The following RFC4 variants were observed in gnomAD, a reference collection of about 807,000 sequenced individuals.
RFC4 encodes the protein replication factor C subunit 4.
Under a neutral mutation model 47.6 loss-of-function variants are expected in RFC4, and 38 were observed. That is an observed-to-expected ratio of 0.80 (90% confidence interval 0.62 to 1.05). The LOEUF (loss-of-function observed/expected upper bound fraction) is 1.05. Ranked by LOEUF, RFC4 falls within the 50% of genes least tolerant of loss-of-function variation. The pLI is 0.00. For synonymous variants in RFC4, 164 were observed against 150.0 expected, an observed-to-expected ratio of 1.09 and a Z score of -0.68; for missense variants, 489 against 434.0, an observed-to-expected ratio of 1.13 and a Z score of -1.13.
At position 186,791,607 on chromosome 3, in the gene RFC4, A is replaced by G. The variant is rs771299062; in HGVS notation, c.801+118T>C. 4.6e-6 allele frequency: 4 copies of G among 877,226 alleles called. No individual in the cohort carries two copies. The Admixed American group carries it at 6.8e-5, about 15-fold the overall frequency. The allele number at this position is 877,226 out of a possible 1,614,324, so 54.3% of individuals were successfully genotyped here. ...TCTGATACTCCCAGGTTATTCCCTT[A>G]TACTTCCTAGTGCAGTACTTGGCAC... On this transcript the variant is annotated intron_variant, in intron 8 of 10. Transcript: ENST00000296273.
chr3:186,790,107 A>G (rs371779104), intron 10 of RFC4, 35 bp downstream of exon 10: 23 of 1,604,142 alleles, frequency 1.4e-5, no homozygotes, highest in Non-Finnish European at 2.0e-5. Flanking sequence ...CAGGTAGTTA[A>G]ATGTTCCATT....
Position 186,801,072 on chromosome 3 carries a change from A to C in RFC4, c.210+45T>G, listed in dbSNP as rs771277725. On this transcript the variant is annotated intron_variant, in intron 3 of 10. Transcript: ENST00000296273. The stretch of plus-strand genomic sequence containing the variant: ...AAGGAAGAAAGAGGGTGAATAAATT[A>C]AGTCTTAAATATCCCAATGACATTA... 7.3e-6 allele frequency: 10 copies of C among 1,361,458 alleles called. No homozygotes were observed. In the East Asian group the frequency reaches 2.3e-4, roughly 31 times the overall value. The allele number at this position is 1,361,458 out of a possible 1,614,324, so 84.3% of individuals were successfully genotyped here. A position where few individuals can be genotyped will look rare whatever the true frequency, so the allele number is the denominator to read the frequency against.
At chr3:186,797,387 C>A in intron 4 of RFC4, 148 bp downstream of exon 4, 1 of 562,770 alleles carries the variant, frequency 1.8e-6, no homozygotes, top group Non-Finnish European at 3.1e-6. Flanking sequence ...GAGGGAGGAA[C>A]AAAATGGCTC....
chr3:186,800,469 C>G (rs1722328741), intron 3 of RFC4, among the ~76,000 whole-genome samples: 1 of 152,136 alleles, frequency 6.6e-6, no homozygotes, highest in South Asian at 2.1e-4. Flanking sequence ...AAGCAAAAAC[C>G]ACATCCCACT....
chr3:186,804,748 A>C, intron 1 of RFC4, 24 bp from the exon 2 acceptor site: 2 of 1,580,200 alleles, frequency 1.3e-6, no homozygotes, highest in South Asian at 2.3e-5. Flanking sequence ...AGACAGAAAA[A>C]AAAAGCTTTT....
chr3:186,790,281 G>T, intron 9 of RFC4, 26 bp from the exon 10 acceptor site: 2 of 1,610,100 alleles, frequency 1.2e-6, no homozygotes, highest in Non-Finnish European at 1.7e-6. Context: ...CTTTTGGTAT[G>T]ATGACTTAAT....
Position 186,792,574 on chromosome 3 carries a change from G to T in RFC4, c.591C>A (p.Phe197Leu). ...IEPLTSRCSK[F>L]RFKPLSDKIQ... Reference sequence around the variant, plus strand: ...TTTTATCTGACAGAGGCTTGAAGCGGAATTTTGAACATCTAGAGGTCAGGG... The same window carrying T: ...TTTTATCTGACAGAGGCTTGAAGCGTAATTTTGAACATCTAGAGGTCAGGG... The change falls in exon 7 of 11, where the codon TTC becomes TTA. Residue 197 changes from phenylalanine to leucine, a missense_variant. Phe to Leu is a conservative substitution (Grantham distance 22). Around this residue, in one of 2 missense-constraint regions of RFC4, gnomAD observed 206 missense variants for 257.8 expected, o/e 0.80. Transcript: ENST00000296273. 1 of 1,613,996 alleles carries T rather than the reference G, an allele frequency of 6.2e-7. No homozygotes were observed. The highest frequency in any genetic ancestry group is 1.1e-5 in the South Asian group (1 of 91,072).
At position 186,791,532 on chromosome 3, in the gene RFC4, T is replaced by TA. The variant is rs1236541436; in HGVS notation, c.801+192dup. The stretch of plus-strand genomic sequence containing the variant: ...TCCTTTTCTTTCCTGAAATGTCTGT[T>TA]ACATGCCTGACAAACTGAAAAGTCA... On this transcript the variant is annotated intron_variant, in intron 8 of 10. Coordinates refer to ENST00000296273, the MANE Select transcript of RFC4 (RefSeq NM_002916.5). 4 of 617,136 alleles carry TA rather than the reference T, an allele frequency of 6.5e-6. No individual in the cohort carries two copies. The Admixed American group carries it at 1.1e-4, about 16-fold the overall frequency. The allele number at this position is 617,136 out of a possible 1,614,324, so 38.2% of individuals were successfully genotyped here.
At chr3:186,795,439 GTTAGACAT>G (rs1722224054) in intron 4 of RFC4, among the ~76,000 whole-genome samples, 1 of 151,986 alleles carries the variant, frequency 6.6e-6, no homozygotes, top group Non-Finnish European at 1.5e-5. Flanking sequence ...TTCTTCTATT[GTTAGACAT>G]CTAGATAGTT....
intron 2 of RFC4, 90 bp downstream of exon 2, chr3:186,804,492 TC>T (rs1450931524): frequency 2.3e-6 from 3 of 1,277,230 alleles, no homozygotes; most frequent in Non-Finnish European, 3.3e-6. Context: ...AACAAAGCAT[TC>T]CTCCATAAGT....
At position 186,802,010 on chromosome 3, in the gene RFC4, C is replaced by A. The variant is rs146399493; in HGVS notation, c.132-815G>T. Among the ~76,000 whole-genome samples, 870 of 109,502 alleles carry A rather than the reference C, an allele frequency of 7.9e-3. 10 individuals carry two copies. The highest frequency in any genetic ancestry group is 0.029 in the African/African-American group (825 of 28,272). The allele number at this position is 109,502 out of a possible 152,430, so 71.8% of individuals were successfully genotyped here. ...TGCACTCCAACCTGGGTCACAAGAGCGAAACTTTATCTCAAAAAAAAAAAA... is the reference window on the plus strand; with the variant it reads ...TGCACTCCAACCTGGGTCACAAGAGAGAAACTTTATCTCAAAAAAAAAAAA... On this transcript the variant is annotated intron_variant, in intron 2 of 10. Transcript: ENST00000296273.
chr3:186,803,135 G>A (rs1316453235), intron 2 of RFC4, among the ~76,000 whole-genome samples: 1 of 152,190 alleles, frequency 6.6e-6, no homozygotes, highest in African/African-American at 2.4e-5. Flanking sequence ...CTGAGATCAG[G>A]AGTTGAAGAC....
Position 186,791,829 on chromosome 3 carries a change from C to T in RFC4, c.697G>A (p.Val233Met), listed in dbSNP as rs1722147510. 1 of 1,612,484 alleles carries T rather than the reference C, an allele frequency of 6.2e-7. No homozygotes were observed. Among genetic ancestry groups the T allele is most frequent in the Non-Finnish European group, 8.5e-7 (1 of 1,178,714 alleles). ...SDEGIAYLVK[V>M]SEGDLRKAIT... ...GCTTTTCTTAAGTCTCCTTCTGACA[C>T]TTTAACAAGATAAGCTATTCCCTGA... Residue 233 changes from valine to methionine, a missense_variant, in exon 8 of 11, where the codon GTG (valine) becomes ATG (methionine). Val to Met is a conservative substitution (Grantham distance 21). Around this residue, in one of 2 missense-constraint regions of RFC4, gnomAD observed 283 missense variants for 176.2 expected, o/e 1.61. Transcript: ENST00000296273.
intron 2 of RFC4, among the ~76,000 whole-genome samples, chr3:186,803,452 C>A (rs1722403110): frequency 6.6e-6 from 1 of 152,170 alleles, no homozygotes; most frequent in Non-Finnish European, 1.5e-5. Flanking sequence ...ACCGAGGCTA[C>A]ATTCAACCAA....
intron 4 of RFC4, among the ~76,000 whole-genome samples, chr3:186,795,990 TCA>T (rs1416963523): frequency 6.6e-6 from 1 of 151,658 alleles, no homozygotes; most frequent in African/African-American, 2.4e-5. Context: ...GGGCACACTG[TCA>T]AAGCACTGTT....
intron 2 of RFC4, among the ~76,000 whole-genome samples, chr3:186,803,727 G>T (rs1242518563): frequency 1.3e-5 from 2 of 150,742 alleles, no homozygotes; most frequent in South Asian, 2.1e-4. Flanking sequence ...GGCCAGGCTG[G>T]TCTGGAACTC....
intron 4 of RFC4, among the ~76,000 whole-genome samples, chr3:186,795,779 C>T (rs929916192): frequency 2.6e-5 from 4 of 151,964 alleles, no homozygotes; most frequent in South Asian, 2.1e-4. Flanking sequence ...GGCAATAGAG[C>T]GAGACACTGT....
At chr3:186,805,469 G>C (rs531183514) in intron 1 of RFC4, 1 of 152,294 alleles carries the variant, frequency 6.6e-6, no homozygotes, top group South Asian at 2.1e-4. Context: ...TAATCCTCCT[G>C]CCCCGGCCTC....
rs528859594 is a variant in RFC4 at position 186,805,393 on chromosome 3, T to A, written c.-11-669A>T. On this transcript the variant is annotated intron_variant, in intron 1 of 10. Coordinates refer to ENST00000296273, the MANE Select transcript of RFC4 (RefSeq NM_002916.5). ...GTGCCACCACCCCCGGCTAATTTTT[T>A]AAATTTTTGGTAGAGACAGGGTTTC... Among the ~76,000 whole-genome samples the A allele has an allele frequency of 2.6e-5, 4 of 152,194 alleles. No homozygotes were observed. In the East Asian group the frequency reaches 5.8e-4, roughly 22 times the overall value.
Sources: gnomAD v4.1 joint callset for allele counts (sites outside exome capture counted in the v4.1 genomes callset) on GRCh38, gnomAD v4.1.1 for gene constraint, gnomAD v4.1.1 regional missense constraint, MANE v1.5 for transcripts, NCBI Gene and HGNC (gene_info 2026-07-23, HGNC 2026-07-21) for gene names.